KCNA6: variants seen among roughly 807,000 people sequenced by gnomAD.
KCNA6 encodes the protein potassium voltage-gated channel subfamily A member 6.
Under a neutral mutation model 29.5 loss-of-function variants are expected in KCNA6, and 17 were observed. That is an observed-to-expected ratio of 0.58 (90% CI 0.39 to 0.86). The LOEUF (loss-of-function observed/expected upper bound fraction) is 0.86. KCNA6 is among the 40% of genes least tolerant of loss of function. The pLI is 0.00. For synonymous variants in KCNA6, 296 were observed against 304.7 expected (o/e 0.97, Z 0.30); for missense variants, 450 against 703.4 (o/e 0.64, Z 4.07).
downstream of KCNA6, chr12:4,813,679 A>G (rs773256599): frequency 6.0e-6 from 1 of 167,016 alleles, no homozygotes; most frequent in Non-Finnish European, 1.5e-5. Context: ...GATGTTTATG[A>G]TGCAAAAACC....
the KCNA6 span, among the ~76,000 whole-genome samples, chr12:4,829,273 C>A: frequency 1.3e-5 from 2 of 152,072 alleles, no homozygotes; most frequent in Non-Finnish European, 2.9e-5. Context: ...TAACCCCATC[C>A]CCCCAAAGCA....
At chr12:4,834,088 T>G in the KCNA6 span, among the ~76,000 whole-genome samples, 1 of 151,930 alleles carries the variant, frequency 6.6e-6, no homozygotes, top group Non-Finnish European at 1.5e-5. Flanking sequence ...CCACCATGTC[T>G]GGCTATAAAT....
At chr12:4,826,617 A>G in the KCNA6 span, among the ~76,000 whole-genome samples, 1 of 152,242 alleles carries the variant, frequency 6.6e-6, no homozygotes, top group Non-Finnish European at 1.5e-5. Context: ...AGCCATTAGT[A>G]TTGTTCTCCC....
the KCNA6 span, among the ~76,000 whole-genome samples, chr12:4,830,512 A>G: frequency 6.6e-6 from 1 of 152,088 alleles, no homozygotes; most frequent in Non-Finnish European, 1.5e-5. Context: ...GGCCAATGGG[A>G]GCTTAACAAG....
Position 4,810,705 on chromosome 12 carries a change from C to G in KCNA6, c.664C>G (p.Gln222Glu). The change falls in exon 1 of 1, where the codon CAG becomes GAG. Residue 222 changes from glutamine to glutamate, a missense_variant. Coordinates refer to ENST00000280684, the Ensembl canonical transcript of KCNA6. The surrounding 1 kb of genome is among the most constrained non-coding windows in gnomAD (Gnocchi z 7.5). ...AGTCTCCCCAGTTTCCAGGGGGAGT[C>G]AGGAGGAAGAGGAGGATGAAGACGA... The G allele has an allele frequency of 6.2e-7, 1 of 1,613,966 alleles. No individual in the cohort carries two copies. Among genetic ancestry groups the G allele is most frequent in the African/African-American group, 1.3e-5 (1 of 75,012 alleles).
the KCNA6 span, among the ~76,000 whole-genome samples, chr12:4,837,441 C>A: frequency 6.6e-6 from 1 of 152,164 alleles, no homozygotes; most frequent in African/African-American, 2.4e-5. Flanking sequence ...GGCAAAACAA[C>A]CTGGGGCTTG....
At chr12:4,814,772 T>C (rs1946666122), downstream of KCNA6, 1 of 167,062 alleles carries the variant, frequency 6.0e-6, no homozygotes, top group Non-Finnish European at 1.5e-5. The surrounding 1 kb of genome is among the most constrained non-coding windows in gnomAD (Gnocchi z 4.6). Context: ...GCTCGCCTTC[T>C]TTGCAGGTGA....
downstream of KCNA6, chr12:4,814,848 G>C (rs1357489802): frequency 6.0e-6 from 1 of 166,902 alleles, no homozygotes. The surrounding 1 kb of genome is among the most constrained non-coding windows in gnomAD (Gnocchi z 4.6). Context: ...AGAACGGGGT[G>C]GGGAGAGAGA....
rs1345067478 is a variant in KCNA6 at position 4,811,865 on chromosome 12, A to G, written c.*234A>G. On this transcript the variant is annotated 3_prime_UTR_variant, in exon 1 of 1. Coordinates refer to ENST00000280684, the Ensembl canonical transcript of KCNA6. The surrounding 1 kb of genome is among the most constrained non-coding windows in gnomAD (Gnocchi z 7.1). The stretch of plus-strand genomic sequence containing the variant: ...TTTGAAATTCCAGCGGTGCCACCCA[A>G]TCATGCCCAGCTTCTGTCATATGAA... 10 of 542,270 alleles carry G rather than the reference A, an allele frequency of 1.8e-5. No homozygotes were observed. The highest frequency in any genetic ancestry group is 3.5e-5 in the Admixed American group (1 of 28,922). 33.6% of individuals were successfully genotyped at this position (542,270 alleles called of 1,614,324 possible).
the KCNA6 span, among the ~76,000 whole-genome samples, chr12:4,846,060 ATTCATTT>A: frequency 1.2e-4 from 18 of 150,152 alleles, no homozygotes; most frequent in Non-Finnish European, 2.1e-4. Flanking sequence ...CTAAACCAAA[ATTCATTT>A]ATGTTTCATA....
At chr12:4,830,134 T>G in the KCNA6 span, among the ~76,000 whole-genome samples, 1 of 152,142 alleles carries the variant, frequency 6.6e-6, no homozygotes, top group African/African-American at 2.4e-5. Flanking sequence ...AGAGGGCCTC[T>G]CTCTGAAAGG....
In KCNA6 at chr12:4,810,431, C is replaced by T. The variant is rs777549637; in HGVS notation, c.390C>T (p.Ala130=). The T allele has an allele frequency of 6.2e-7, 1 of 1,614,046 alleles. No homozygotes were observed. The highest frequency in any genetic ancestry group is 8.5e-7 in the Non-Finnish European group (1 of 1,179,982). Residue 130 remains alanine (A), a synonymous_variant, in exon 1 of 1, where the codon GCC becomes GCT. Transcript: ENST00000280684. This position sits in a 1 kb window ranked among gnomAD's most constrained non-coding sequence, Gnocchi z 7.5. The stretch of plus-strand genomic sequence containing the variant: ...GCTTCTACCAGCTGGGGGACGAGGC[C>T]CTGGCGGCCTTCCGGGAGGACGAGG...
At chr12:4,845,858 C>A in the KCNA6 span, among the ~76,000 whole-genome samples, 1 of 152,150 alleles carries the variant, frequency 6.6e-6, no homozygotes, top group Non-Finnish European at 1.5e-5. Context: ...CCCTATCTTG[C>A]ATCCTTCAGA....
chr12:4,829,227 T>C, the KCNA6 span, among the ~76,000 whole-genome samples: 1 of 152,150 alleles, frequency 6.6e-6, no homozygotes, highest in Non-Finnish European at 1.5e-5. Context: ...TTCACCCCGG[T>C]GGAGCAGGAA....
chr12:4,824,254 A>G, the KCNA6 span, among the ~76,000 whole-genome samples: 2 of 152,248 alleles, frequency 1.3e-5, no homozygotes, highest in Non-Finnish European at 2.9e-5. Context: ...GTAGTGAGGC[A>G]TAAGCAAGGT....
At chr12:4,850,736 A>AG in the KCNA6 span, 1 of 392,442 alleles carries the variant, frequency 2.5e-6, no homozygotes, top group South Asian at 1.6e-5. This position sits in a 1 kb window ranked among gnomAD's most constrained non-coding sequence, Gnocchi z 5.4. Flanking sequence ...CCTCCCTGGC[A>AG]GGAAAAATGC....
the KCNA6 span, among the ~76,000 whole-genome samples, chr12:4,828,472 A>T: frequency 1.3e-5 from 2 of 151,746 alleles, no homozygotes; most frequent in Non-Finnish European, 2.9e-5. Context: ...CACATTTATG[A>T]CTCCTTCCTT....
chr12:4,811,603 C>CTCCG lies in KCNA6; in HGVS notation c.1562_1563insTCCG (p.Glu522ProfsTer24). 1.9e-6 allele frequency: 3 copies of CTCCG among 1,614,030 alleles called. No homozygotes were observed. The highest frequency in any genetic ancestry group is 2.5e-6 in the Non-Finnish European group (3 of 1,179,912). ...CTTCCTACACCACATCGGGCCTATG[C>CTCCG]AGAGAAAAGAATGCTCACGGAGGTC... On this transcript the variant is annotated frameshift_variant, in exon 1 of 1. Coordinates refer to ENST00000280684, the Ensembl canonical transcript of KCNA6. LOFTEE classifies it high-confidence loss of function. This position sits in a 1 kb window ranked among gnomAD's most constrained non-coding sequence, Gnocchi z 7.1.
the KCNA6 span, among the ~76,000 whole-genome samples, chr12:4,828,259 CTA>C: frequency 6.6e-6 from 1 of 152,196 alleles, no homozygotes; most frequent in Admixed American, 6.5e-5. Flanking sequence ...CTAACTTTGT[CTA>C]TGTCTGTATC....
Sources: gnomAD v4.1 joint callset for allele counts (sites outside exome capture counted in the v4.1 genomes callset) on GRCh38, gnomAD v4.1.1 for gene constraint, Gnocchi (gnomAD v3.1) non-coding constraint, MANE v1.5 for transcripts, NCBI Gene and HGNC (gene_info 2026-07-23, HGNC 2026-07-21) for gene names.